Variants in SDK1 observed in about 807,000 individuals in gnomAD.
The protein encoded by SDK1 is protein sidekick-1.
Under a neutral mutation model 245.5 loss-of-function variants are expected in SDK1, and 157 were observed. The ratio of observed to expected loss-of-function variants is 0.64; its 90% CI spans 0.56 to 0.73. The LOEUF (loss-of-function observed/expected upper bound fraction) is 0.73, where lower values mean the gene tolerates loss of function less well. Among genes scored for constraint, SDK1 ranks in the 30% least tolerant of loss-of-function variants. The pLI, the probability that SDK1 is intolerant of heterozygous loss-of-function variation, is 0.00. For synonymous variants in SDK1, 1,647 were observed against 1,278.5 expected (o/e 1.29, Z -6.15); for missense variants, 3,583 against 3,002.3 (o/e 1.19, Z -4.52).
intron 5 of SDK1, among the ~76,000 whole-genome samples, chr7:3,840,434 A>AT (rs1178791408): frequency 1.3e-5 from 2 of 152,158 alleles, no homozygotes; most frequent in Non-Finnish European, 2.9e-5. Context: ...TCCTCAGGTG[A>AT]TTTTAATACA....
intron 1 of SDK1, among the ~76,000 whole-genome samples, chr7:3,311,315 A>G (rs928823669): frequency 6.6e-6 from 1 of 152,160 alleles, no homozygotes; most frequent in Non-Finnish European, 1.5e-5. Context: ...AGGTAAATAG[A>G]TGAGAACAAA....
At chr7:3,478,443 G>A (rs1186621076) in intron 1 of SDK1, among the ~76,000 whole-genome samples, 1 of 151,626 alleles carries the variant, frequency 6.6e-6, no homozygotes, top group Non-Finnish European at 1.5e-5. Flanking sequence ...CATAACTATG[G>A]TAATTATTAG....
At chr7:3,800,154 A>C (rs1779069782) in intron 4 of SDK1, among the ~76,000 whole-genome samples, 3 of 152,250 alleles carry the variant, frequency 2.0e-5, no homozygotes, top group Non-Finnish European at 4.4e-5. Flanking sequence ...ATACTGTATT[A>C]GGAAGCTTCC....
chr7:3,814,325 A>G (rs1206115084), intron 4 of SDK1, among the ~76,000 whole-genome samples: 1 of 148,022 alleles, frequency 6.8e-6, no homozygotes, highest in African/African-American at 2.5e-5. Flanking sequence ...TCAGCTTTCT[A>G]CATATGGCTA....
intron 5 of SDK1, among the ~76,000 whole-genome samples, chr7:3,885,094 C>T (rs1019100029): frequency 6.6e-6 from 1 of 152,146 alleles, no homozygotes; most frequent in Non-Finnish European, 1.5e-5. Context: ...TCAGGTGCAC[C>T]TGAGCCTAAA....
chr7:3,573,906 T>TGTGTCCTTTTA (rs907874445), intron 1 of SDK1, among the ~76,000 whole-genome samples: 2 of 152,070 alleles, frequency 1.3e-5, no homozygotes, highest in African/African-American at 4.8e-5. Context: ...CACTATGTTT[T>TGTGTCCTTTTA]GTGTCCTTTT....
chr7:3,753,039 A>G (rs1779818677), intron 4 of SDK1, among the ~76,000 whole-genome samples: 1 of 152,198 alleles, frequency 6.6e-6, no homozygotes, highest in Non-Finnish European at 1.5e-5. Flanking sequence ...TGTCTGCCCA[A>G]TCACAGGAAG....
chr7:3,973,730 C>T (rs891339572), intron 12 of SDK1, among the ~76,000 whole-genome samples: 11 of 152,252 alleles, frequency 7.2e-5, no homozygotes, highest in Admixed American at 5.2e-4. Context: ...CGTGGTTCTA[C>T]AGACTTCTCA....
intron 29 of SDK1, 116 bp downstream of exon 29, chr7:4,146,032 A>T: frequency 2.3e-6 from 2 of 874,340 alleles, no homozygotes; most frequent in Non-Finnish European, 3.5e-6. Context: ...TCGGAGAAAG[A>T]GAAGGGATGT....
intron 21 of SDK1, among the ~76,000 whole-genome samples, chr7:4,077,938 A>G (rs1423215658): frequency 6.6e-6 from 1 of 152,208 alleles, no homozygotes; most frequent in Non-Finnish European, 1.5e-5. Context: ...ATAGCGACCA[A>G]GGTTAACACT....
intron 2 of SDK1, among the ~76,000 whole-genome samples, chr7:3,630,680 G>C (rs1479279029): frequency 3.9e-5 from 6 of 152,062 alleles, no homozygotes. Context: ...CTGAAGTAAG[G>C]ATAAATCTGA....
intron 5 of SDK1, among the ~76,000 whole-genome samples, chr7:3,832,543 G>T (rs1779938011): frequency 6.6e-6 from 1 of 152,172 alleles, no homozygotes; most frequent in Admixed American, 6.5e-5. Flanking sequence ...ATCAGGTAAA[G>T]TATCTGTTAA....
chr7:3,683,591 C>T (rs1784178265), intron 4 of SDK1, among the ~76,000 whole-genome samples: 1 of 152,208 alleles, frequency 6.6e-6, no homozygotes, highest in Admixed American at 6.5e-5. Context: ...GGTGGAGCAG[C>T]CCCGTTCCTC....
intron 1 of SDK1, among the ~76,000 whole-genome samples, chr7:3,483,900 C>T (rs1235892418): frequency 6.6e-6 from 1 of 152,060 alleles, no homozygotes; most frequent in Admixed American, 6.6e-5. Context: ...TAATACTTGT[C>T]TAACATTTTA....
chr7:3,794,700 C>T (rs1011726145), intron 4 of SDK1, among the ~76,000 whole-genome samples: 1 of 152,178 alleles, frequency 6.6e-6, no homozygotes, highest in South Asian at 2.1e-4. Flanking sequence ...CGACCTTGGA[C>T]TTCTCAGACC....
intron 1 of SDK1, among the ~76,000 whole-genome samples, chr7:3,357,150 T>A (rs1483469305): frequency 1.3e-5 from 2 of 151,654 alleles, no homozygotes; most frequent in South Asian, 2.1e-4. Context: ...CCACATTAAT[T>A]TCTTGAAGTA....
intron 1 of SDK1, among the ~76,000 whole-genome samples, chr7:3,541,770 C>G (rs1354427553): frequency 2.0e-5 from 3 of 152,162 alleles, no homozygotes; most frequent in African/African-American, 7.2e-5. Context: ...TAAGACATCA[C>G]CCCAATGCAT....
At chr7:3,607,584 A>G (rs1781462047) in intron 1 of SDK1, among the ~76,000 whole-genome samples, 1 of 152,242 alleles carries the variant, frequency 6.6e-6, no homozygotes, top group Admixed American at 6.5e-5. Flanking sequence ...ACCAATATCT[A>G]GACTTCTCTA....
intron 5 of SDK1, among the ~76,000 whole-genome samples, chr7:3,839,904 A>G (rs970471393): frequency 2.6e-5 from 4 of 152,210 alleles, no homozygotes; most frequent in African/African-American, 4.8e-5. Context: ...ACAGTGATAA[A>G]GCTTTCAAGC....
Sources: gnomAD v4.1 joint callset for allele counts (sites outside exome capture counted in the v4.1 genomes callset) on GRCh38, gnomAD v4.1.1 for gene constraint, MANE v1.5 for transcripts, NCBI Gene and HGNC (gene_info 2026-07-23, HGNC 2026-07-21) for gene names.